Variants in JHY observed in about 807,000 individuals in gnomAD.
JHY encodes the protein jhy protein homolog.
Under a neutral mutation model 78.0 loss-of-function variants are expected in JHY, and 69 were observed. The ratio of observed to expected loss-of-function variants is 0.88; its 90% CI spans 0.73 to 1.08. The LOEUF is 1.08. Ranked by LOEUF, JHY falls within the 50% of genes least tolerant of loss-of-function variation. JHY has a pLI of 0.00. For synonymous variants in JHY, 368 were observed against 342.6 expected, an observed-to-expected ratio of 1.07 and a Z score of -0.82; for missense variants, 944 against 927.8, an observed-to-expected ratio of 1.02 and a Z score of -0.23.
intron 2 of JHY, among the ~76,000 whole-genome samples, chr11:122,901,583 A>AAT (rs1555049396): frequency 6.6e-6 from 1 of 151,482 alleles, no homozygotes; most frequent in Non-Finnish European, 1.5e-5. Context: ...CTATTAAAAA[A>AAT]TTTTTTTTGG....
At chr11:122,952,209 T>C (rs1864103421) in intron 6 of JHY, among the ~76,000 whole-genome samples, 1 of 152,096 alleles carries the variant, frequency 6.6e-6, no homozygotes, top group Non-Finnish European at 1.5e-5. Context: ...ATGAAAATGT[T>C]CTAAAATTGG....
chr11:122,926,912 T>G (rs985085810), intron 4 of JHY: 1 of 152,268 alleles, frequency 6.6e-6, no homozygotes, highest in Non-Finnish European at 1.5e-5. Context: ...TTTCTAGTTA[T>G]TTAAATTATT....
chr11:122,956,081 G>A (rs1182604041), intron 6 of JHY, among the ~76,000 whole-genome samples: 2 of 151,858 alleles, frequency 1.3e-5, no homozygotes, highest in Non-Finnish European at 2.9e-5. Context: ...TGAGGTGGGA[G>A]GATCACTTAA....
intron 6 of JHY, among the ~76,000 whole-genome samples, chr11:122,949,083 CAA>C (rs112131604): frequency 6.9e-6 from 1 of 143,928 alleles, no homozygotes; most frequent in Non-Finnish European, 1.5e-5. Flanking sequence ...GACTCCATCT[CAA>C]AAAAAAAAAG....
chr11:122,896,243 A>G (rs1802545719), intron 2 of JHY, among the ~76,000 whole-genome samples: 1 of 151,556 alleles, frequency 6.6e-6, no homozygotes, highest in Non-Finnish European at 1.5e-5. Context: ...ACAGCCATTT[A>G]AGAATGGAAA....
At chr11:122,929,543 G>C (rs1863592611) in intron 4 of JHY, among the ~76,000 whole-genome samples, 1 of 152,114 alleles carries the variant, frequency 6.6e-6, no homozygotes, top group African/African-American at 2.4e-5. Context: ...TAGTTGGTAA[G>C]GGCTGCTGTC....
At chr11:122,916,348 G>A (rs946898032) in intron 3 of JHY, among the ~76,000 whole-genome samples, 7 of 152,186 alleles carry the variant, frequency 4.6e-5, no homozygotes, top group African/African-American at 1.4e-4. Flanking sequence ...ATTGGTTAAA[G>A]CAGGTATGAA....
At chr11:122,958,858 G>C in intron 8 of JHY, 2 of 985,316 alleles carry the variant, frequency 2.0e-6, no homozygotes, top group Non-Finnish European at 1.2e-6. Flanking sequence ...TTGGTCTCAA[G>C]CTGTAACAAG....
intron 2 of JHY, among the ~76,000 whole-genome samples, chr11:122,891,492 G>A (rs1331163171): frequency 2.7e-5 from 4 of 150,854 alleles, no homozygotes; most frequent in Non-Finnish European, 5.9e-5. Context: ...CAGCACTCAC[G>A]AAGAAAGAGA....
rs1864329696 is a variant in JHY at position 122,962,187 on chromosome 11, C to T, written c.*2742C>T. Among the ~76,000 whole-genome samples, 1 of 152,146 alleles carries T rather than the reference C, an allele frequency of 6.6e-6. No individual in the cohort carries two copies. The highest frequency in any genetic ancestry group is 6.5e-5 in the Admixed American group (1 of 15,276). On this transcript the variant is annotated 3_prime_UTR_variant, in exon 9 of 9. Coordinates refer to ENST00000227349, the MANE Select transcript of JHY (RefSeq NM_024806.4). ...ACTGGAGAGTTTAATTTTCTACTTC[C>T]TTCCTTATATTAGATGGACATTACA...
intron 5 of JHY, among the ~76,000 whole-genome samples, chr11:122,942,072 A>G (rs1863885198): frequency 1.3e-5 from 2 of 152,070 alleles, no homozygotes; most frequent in African/African-American, 4.8e-5. Flanking sequence ...GCGTTTCGCC[A>G]TGTTGGTTAG....
intron 5 of JHY, among the ~76,000 whole-genome samples, chr11:122,938,627 C>T (rs1418720020): frequency 6.6e-6 from 1 of 152,148 alleles, no homozygotes; most frequent in Non-Finnish European, 1.5e-5. Flanking sequence ...TTTCTCTTCT[C>T]CTATTTTGCT....
intron 2 of JHY, among the ~76,000 whole-genome samples, chr11:122,895,584 T>C (rs1862723049): frequency 2.0e-5 from 3 of 152,206 alleles, no homozygotes; most frequent in South Asian, 4.1e-4. Flanking sequence ...TCATGGCATA[T>C]GCATGTGAAA....
chr11:122,916,364 A>G (rs1051334841), intron 3 of JHY, among the ~76,000 whole-genome samples: 4 of 152,202 alleles, frequency 2.6e-5, no homozygotes, highest in African/African-American at 9.7e-5. Flanking sequence ...ATGAAAAATG[A>G]TAACTATATA....
At chr11:122,938,987 T>C (rs1863814349) in intron 5 of JHY, among the ~76,000 whole-genome samples, 1 of 130,146 alleles carries the variant, frequency 7.7e-6, no homozygotes, top group South Asian at 2.9e-4. Flanking sequence ...CTGCTTCTTC[T>C]TTTTTTTTTT....
rs551535902 is a variant in JHY, at chr11:122,963,050, T to C, written c.*3605T>C. Among the ~76,000 whole-genome samples the C allele has an allele frequency of 1.3e-5, 2 of 152,174 alleles. No individual in the cohort carries two copies. The highest frequency in any genetic ancestry group is 4.8e-5 in the African/African-American group (2 of 41,534). On this transcript the variant is annotated 3_prime_UTR_variant, in exon 9 of 9. Transcript: ENST00000227349. ...CATTACTATGTACCTAATAGTTTTTTAGCATGTACAATCTGCCAACTTCCT... is the reference window on the plus strand; with the variant it reads ...CATTACTATGTACCTAATAGTTTTTCAGCATGTACAATCTGCCAACTTCCT...
intron 2 of JHY, among the ~76,000 whole-genome samples, chr11:122,890,333 GTTATA>G (rs773379615): frequency 2.0e-4 from 31 of 152,146 alleles, no homozygotes; most frequent in Non-Finnish European, 3.8e-4. Context: ...AGCTTTAAAA[GTTATA>G]TTATACCCAT....
At chr11:122,906,039 T>TA (rs1862984646) in intron 3 of JHY, 1 of 152,182 alleles carries the variant, frequency 6.6e-6, no homozygotes, top group Admixed American at 6.5e-5. Context: ...CTGAAGTATT[T>TA]AAAAAACTAG....
At chr11:122,942,120 C>T (rs182549400) in intron 5 of JHY, among the ~76,000 whole-genome samples, 321 of 152,256 alleles carry the variant, frequency 2.1e-3, no homozygotes, top group Non-Finnish European at 3.5e-3. Flanking sequence ...GATCCACCCA[C>T]CTCGGCCTCC....
Sources: allele counts gnomAD v4.1 joint callset (sites outside exome capture counted in the v4.1 genomes callset), GRCh38; gene constraint gnomAD v4.1.1; transcripts MANE v1.5; gene names NCBI Gene and HGNC (gene_info 2026-07-23, HGNC 2026-07-21).